RORB: variants seen among roughly 807,000 people sequenced by gnomAD.
The protein encoded by RORB is nuclear receptor ROR-beta.
RORB carries 6 observed loss-of-function variants against 59.1 expected under a neutral mutation model. The ratio of observed to expected loss-of-function variants is 0.10; its 90% CI spans 0.06 to 0.20. RORB has a LOEUF of 0.20. Ranked by LOEUF, RORB falls within the 10% of genes least tolerant of loss-of-function variation. The probability of loss-of-function intolerance (pLI) is 1.00; values close to 1 mark genes in which losing one functional copy is unlikely to be tolerated. For missense variants in RORB, 320 were observed against 560.5 expected, an observed-to-expected ratio of 0.57 and a Z score of 4.33; for synonymous variants, 215 against 204.5, an observed-to-expected ratio of 1.05 and a Z score of -0.44.
intron 3 of RORB, among the ~76,000 whole-genome samples, chr9:74,640,529 C>T (rs551073160): frequency 3.8e-4 from 58 of 152,162 alleles, no homozygotes; most frequent in Admixed American, 7.2e-4. Flanking sequence ...GTGATCTGCC[C>T]GCCTTGGCCT....
chr9:74,624,406 T>C (rs1019511558), intron 1 of RORB, among the ~76,000 whole-genome samples: 1 of 152,186 alleles, frequency 6.6e-6, no homozygotes, highest in Non-Finnish European at 1.5e-5. Flanking sequence ...TCTGCACTGA[T>C]GAGATACACA....
intron 4 of RORB, among the ~76,000 whole-genome samples, chr9:74,656,849 A>G (rs951742992): frequency 6.6e-6 from 1 of 152,160 alleles, no homozygotes; most frequent in Non-Finnish European, 1.5e-5. Context: ...AAATCCAAAA[A>G]TCCTACAAGA....
At chr9:74,508,749 T>C (rs1319004535) in intron 1 of RORB, among the ~76,000 whole-genome samples, 1 of 152,054 alleles carries the variant, frequency 6.6e-6, no homozygotes, top group East Asian at 1.9e-4. Context: ...CATTTGAATT[T>C]CTCAAATGTC....
intron 2 of RORB, among the ~76,000 whole-genome samples, chr9:74,633,336 A>G (rs1359969750): frequency 2.6e-5 from 4 of 152,182 alleles, no homozygotes; most frequent in Non-Finnish European, 5.9e-5. Flanking sequence ...TAGTTGAGGA[A>G]ACACAGAAGC....
At chr9:74,680,875 C>A (rs1452267033) in intron 9 of RORB, among the ~76,000 whole-genome samples, 1 of 152,010 alleles carries the variant, frequency 6.6e-6, no homozygotes, top group Non-Finnish European at 1.5e-5. Context: ...TCTGCATGTT[C>A]CATTTTTCTA....
chr9:74,623,374 A>G (rs1433515343), intron 1 of RORB, among the ~76,000 whole-genome samples: 2 of 151,990 alleles, frequency 1.3e-5, no homozygotes, highest in African/African-American at 4.8e-5. Context: ...GTAACGCAAG[A>G]TATTTCTGGA....
intron 1 of RORB, among the ~76,000 whole-genome samples, chr9:74,523,727 G>A (rs2118077683): frequency 6.6e-6 from 1 of 152,012 alleles, no homozygotes; most frequent in Middle Eastern, 3.4e-3. Context: ...TTGTCTAGAA[G>A]ACGGTTAATC....
intron 4 of RORB, among the ~76,000 whole-genome samples, chr9:74,646,056 A>C (rs1823892563): frequency 6.6e-6 from 1 of 152,078 alleles, no homozygotes; most frequent in African/African-American, 2.4e-5. Context: ...CATAGAAAAA[A>C]ACCCTATGCA....
intron 1 of RORB, among the ~76,000 whole-genome samples, chr9:74,589,797 T>C (rs1368638081): frequency 6.6e-6 from 1 of 152,194 alleles, no homozygotes; most frequent in East Asian, 1.9e-4. Context: ...GCATCAGGTC[T>C]TCCTCAGGGA....
chr9:74,613,100 A>G (rs968596176), intron 1 of RORB, among the ~76,000 whole-genome samples: 1 of 152,206 alleles, frequency 6.6e-6, no homozygotes, highest in Admixed American at 6.5e-5. Context: ...AATGATAACC[A>G]GAGTCAACAG....
chr9:74,517,895 T>C (rs1826030735), intron 1 of RORB, among the ~76,000 whole-genome samples: 1 of 152,080 alleles, frequency 6.6e-6, no homozygotes, highest in Non-Finnish European at 1.5e-5. Context: ...TCATGTGAAT[T>C]ACCTCAGTTA....
At chr9:74,563,908 A>G (rs1313219626) in intron 1 of RORB, among the ~76,000 whole-genome samples, 2 of 152,244 alleles carry the variant, frequency 1.3e-5, no homozygotes, top group Non-Finnish European at 2.9e-5. Flanking sequence ...GCCAGAAGGC[A>G]GGAAAGACCA....
chr9:74,640,191 C>A (rs1183817632), intron 3 of RORB, among the ~76,000 whole-genome samples: 3 of 152,114 alleles, frequency 2.0e-5, no homozygotes, highest in African/African-American at 7.2e-5. Context: ...CCTACTTAGG[C>A]AGTATCAGAA....
chr9:74,661,698 G>T (rs1587412020), intron 5 of RORB, among the ~76,000 whole-genome samples: 1 of 122,762 alleles, frequency 8.1e-6, no homozygotes, highest in African/African-American at 3.1e-5. Flanking sequence ...ATGCTGGAGT[G>T]CAGTGGCGCG....
chr9:74,528,409 T>A (rs1191087295), intron 1 of RORB, among the ~76,000 whole-genome samples: 1 of 152,000 alleles, frequency 6.6e-6, no homozygotes, highest in Non-Finnish European at 1.5e-5. Flanking sequence ...TGTCTCCTAA[T>A]CTCTCCTCGC....
chr9:74,597,376 G>T (rs1822983453), intron 1 of RORB, among the ~76,000 whole-genome samples: 1 of 152,190 alleles, frequency 6.6e-6, no homozygotes, highest in South Asian at 2.1e-4. Flanking sequence ...AGAGGCACTG[G>T]CCAATACAGC....
chr9:74,523,197 A>G (rs1051721868), intron 1 of RORB, among the ~76,000 whole-genome samples: 2 of 151,516 alleles, frequency 1.3e-5, no homozygotes, highest in African/African-American at 4.8e-5. Flanking sequence ...CCATTATCTC[A>G]TAGTTCTCTC....
chr9:74,629,658 T>C (rs1050759855), intron 1 of RORB, among the ~76,000 whole-genome samples: 1 of 152,176 alleles, frequency 6.6e-6, no homozygotes, highest in Non-Finnish European at 1.5e-5. Context: ...GATTTCTCCA[T>C]GTATTAATTT....
chr9:74,516,091 A>G (rs1431251874), intron 1 of RORB, among the ~76,000 whole-genome samples: 1 of 152,120 alleles, frequency 6.6e-6, no homozygotes, highest in Non-Finnish European at 1.5e-5. Context: ...AAAGCAGTCC[A>G]GGTACCAGTG....
Sources: allele counts gnomAD v4.1 joint callset (sites outside exome capture counted in the v4.1 genomes callset), GRCh38; gene constraint gnomAD v4.1.1; transcripts MANE v1.5; gene names NCBI Gene and HGNC (gene_info 2026-07-23, HGNC 2026-07-21).